FMN2: variants seen among roughly 807,000 people sequenced by gnomAD.
FMN2 encodes the protein formin-2.
In FMN2, 51 loss-of-function variants were observed where a neutral mutation model predicts 142.3. The ratio of observed to expected loss-of-function variants is 0.36; its 90% CI spans 0.29 to 0.45. The LOEUF (loss-of-function observed/expected upper bound fraction) is 0.45, where lower values mean the gene tolerates loss of function less well. Ranked by LOEUF, FMN2 falls within the 20% of genes least tolerant of loss-of-function variation. The pLI, the probability that FMN2 is intolerant of heterozygous loss-of-function variation, is 1.00. For missense variants in FMN2, 1,936 were observed against 2,122.8 expected, an observed-to-expected ratio of 0.91 and a Z score of 1.73; for synonymous variants, 882 against 869.8, an observed-to-expected ratio of 1.01 and a Z score of -0.25.
chr1:240,416,130 CA>C (rs1443020207), intron 15 of FMN2, among the ~76,000 whole-genome samples: 2 of 152,164 alleles, frequency 1.3e-5, no homozygotes, highest in Non-Finnish European at 2.9e-5. Flanking sequence ...ATCAGTATCT[CA>C]TCTGGATACT....
intron 7 of FMN2, among the ~76,000 whole-genome samples, chr1:240,260,404 G>A (rs1351935596): frequency 6.6e-6 from 1 of 151,948 alleles, no homozygotes; most frequent in Non-Finnish European, 1.5e-5. Context: ...CTGCATCCAT[G>A]CCAACATCTA....
intron 13 of FMN2, among the ~76,000 whole-genome samples, chr1:240,346,454 G>A (rs999097398): frequency 6.6e-6 from 1 of 152,026 alleles, no homozygotes; most frequent in Non-Finnish European, 1.5e-5. Flanking sequence ...CACAGGAAGC[G>A]AACCCATGGA....
Position 240,410,823 on chromosome 1 carries a change from G to A in FMN2, c.4910+18261G>A, listed in dbSNP as rs565934600. ...ATTTTTATTTCTCTCAAAGTTGTAA[G>A]TGTAGACATAGTTGCAAAAGTCAAT... On this transcript the variant is annotated intron_variant, in intron 15 of 17. Transcript: ENST00000319653. 9.2e-5 allele frequency among the ~76,000 whole-genome samples: 14 copies of A among 152,180 alleles called. 1 individual carries two copies. The highest frequency in any genetic ancestry group is 3.1e-4 in the African/African-American group (13 of 41,520).
chr1:240,187,147 A>G (rs1977813), intron 3 of FMN2, among the ~76,000 whole-genome samples: 93,530 of 147,736 alleles, frequency 0.63, 30,419 homozygotes, highest in African/African-American at 0.76. Flanking sequence ...GCGGGTGCCT[A>G]TAATCCCAGC....
rs899501407 is a variant in FMN2, at chr1:240,379,397, C to T, written c.4859-13114C>T. ...CTGTATACAGGTGCCACTTAATACC[C>T]AGCTAAAAGTCAGAAAGCTTAATGC... On this transcript the variant is annotated intron_variant, in intron 14 of 17. Coordinates refer to ENST00000319653, the MANE Select transcript of FMN2 (RefSeq NM_020066.5). Among the ~76,000 whole-genome samples the T allele has an allele frequency of 3.3e-5, 5 of 152,122 alleles. No homozygotes were observed. The East Asian group carries it at 9.6e-4, about 29-fold the overall frequency.
intron 15 of FMN2, among the ~76,000 whole-genome samples, chr1:240,411,247 T>C (rs940279173): frequency 5.9e-5 from 9 of 152,346 alleles, no homozygotes; most frequent in African/African-American, 2.2e-4. Flanking sequence ...TACTTCATTG[T>C]CTTTTAGTCT....
chr1:240,474,271 AT>A lies in FMN2; in HGVS notation c.*118del. ...CTCATGTTTCTTCTTGACCTCTTGC[AT>A]AATCTTTTTGTTTTCTAGACAGTTC... is the stretch of plus-strand genomic sequence containing the variant. On this transcript the variant is annotated 3_prime_UTR_variant, in exon 18 of 18. Coordinates refer to ENST00000319653, the MANE Select transcript of FMN2 (RefSeq NM_020066.5). 1 of 954,950 alleles carries A rather than the reference AT, an allele frequency of 1.0e-6. No homozygotes were observed. Among genetic ancestry groups the A allele is most frequent in the Non-Finnish European group, 1.5e-6 (1 of 666,090 alleles). The allele number at this position is 954,950 out of a possible 1,614,324, so 59.2% of individuals were successfully genotyped here. A position where few individuals can be genotyped will look rare whatever the true frequency, so the allele number is the denominator to read the frequency against.
chr1:240,388,879 G>T lies in FMN2; in HGVS notation c.4859-3632G>T, dbSNP rs138415422. Among the ~76,000 whole-genome samples, 96 of 144,932 alleles carry T rather than the reference G, an allele frequency of 6.6e-4. 1 individual carries two copies. Among genetic ancestry groups the T allele is most frequent in the African/African-American group, 1.8e-3 (65 of 35,344 alleles). On this transcript the variant is annotated intron_variant, in intron 14 of 17. Transcript: ENST00000319653. Reference sequence around the variant, plus strand: ...CTCCATCTCAAAAAAAAAAAAAAAGGGGGGGGGTCAAGCATTGCTGGGCGA... The same window carrying T: ...CTCCATCTCAAAAAAAAAAAAAAAGTGGGGGGGTCAAGCATTGCTGGGCGA...
intron 2 of FMN2, among the ~76,000 whole-genome samples, chr1:240,159,939 A>G (rs1445788043): frequency 6.7e-4 from 72 of 107,012 alleles, no homozygotes; most frequent in African/African-American, 1.9e-3. Flanking sequence ...ATATTTGTGT[A>G]TATATATATA....
chr1:240,170,992 G>T (rs1439419931), intron 2 of FMN2: 2 of 812,050 alleles, frequency 2.5e-6, no homozygotes, highest in Non-Finnish European at 4.4e-6. Flanking sequence ...TGTCAAGGTC[G>T]TGAGAGCAGC....
At chr1:240,232,881 A>G (rs770996088) in intron 6 of FMN2, among the ~76,000 whole-genome samples, 16 of 151,946 alleles carry the variant, frequency 1.1e-4, no homozygotes, top group Non-Finnish European at 2.2e-4. Context: ...TCACATCCTT[A>G]CTGTTTTTCT....
At chr1:240,256,002 G>T (rs1207181099) in intron 6 of FMN2, among the ~76,000 whole-genome samples, 1 of 152,144 alleles carries the variant, frequency 6.6e-6, no homozygotes, top group African/African-American at 2.4e-5. Context: ...TAGGAGCCCT[G>T]GAAGAGAAGT....
intron 2 of FMN2, among the ~76,000 whole-genome samples, chr1:240,138,389 C>A (rs1371429525): frequency 1.3e-5 from 2 of 152,100 alleles, no homozygotes; most frequent in Admixed American, 1.3e-4. Context: ...AGTAGAAAAT[C>A]CTTTTATTTT....
chr1:240,248,490 TTTTC>T (rs1316461274), intron 6 of FMN2, among the ~76,000 whole-genome samples: 2 of 149,880 alleles, frequency 1.3e-5, no homozygotes, highest in South Asian at 2.1e-4. Flanking sequence ...TAAAAATATT[TTTTC>T]TTTATTTGTC....
intron 7 of FMN2, 74 bp downstream of exon 7, chr1:240,258,106 G>A (rs1668511505): frequency 2.6e-6 from 3 of 1,175,704 alleles, no homozygotes; most frequent in Non-Finnish European, 3.7e-6. Context: ...TGTTGGTAAT[G>A]TTATTTCAAA....
intron 7 of FMN2, among the ~76,000 whole-genome samples, chr1:240,264,713 A>G (rs1480814016): frequency 6.6e-6 from 1 of 152,172 alleles, no homozygotes; most frequent in Non-Finnish European, 1.5e-5. Context: ...ACATGAACTT[A>G]TTCTTTTTTA....
chr1:240,330,357 A>G (rs1671334610), intron 10 of FMN2, among the ~76,000 whole-genome samples: 1 of 152,180 alleles, frequency 6.6e-6, no homozygotes, highest in South Asian at 2.1e-4. Flanking sequence ...TTGCAGTTAC[A>G]TCACAGAAAT....
At chr1:240,413,026 GGTA>G (rs1674451410) in intron 15 of FMN2, among the ~76,000 whole-genome samples, 1 of 145,178 alleles carries the variant, frequency 6.9e-6, no homozygotes, top group East Asian at 2.2e-4. Context: ...GGGAGAATGA[GGTA>G]GGAGAATGGT....
chr1:240,432,985 A>G (rs919734045), intron 15 of FMN2, among the ~76,000 whole-genome samples: 1 of 152,138 alleles, frequency 6.6e-6, no homozygotes, highest in Non-Finnish European at 1.5e-5. Flanking sequence ...TCAGTTTTTG[A>G]TAATAATATT....
Sources: allele counts gnomAD v4.1 joint callset (sites outside exome capture counted in the v4.1 genomes callset), GRCh38; gene constraint gnomAD v4.1.1; transcripts MANE v1.5; gene names NCBI Gene and HGNC (gene_info 2026-07-23, HGNC 2026-07-21).